SMURF1: variants seen among roughly 807,000 people sequenced by gnomAD.
SMURF1 encodes E3 ubiquitin-protein ligase SMURF1.
A neutral mutation model predicts 98.0 loss-of-function variants in SMURF1; 44 were observed. That is an observed-to-expected ratio of 0.45 (90% CI 0.35 to 0.58). SMURF1 has a LOEUF of 0.58. Ranked by LOEUF, SMURF1 falls within the 20% of genes least tolerant of loss-of-function variation. The pLI, the probability that SMURF1 is intolerant of heterozygous loss-of-function variation, is 0.00. For missense variants in SMURF1, 687 were observed against 938.4 expected (o/e 0.73, Z 3.50); for synonymous variants, 396 against 374.9 (o/e 1.06, Z -0.65).
At chr7:99,037,208 T>A (rs1203153557) in intron 14 of SMURF1, 21 bp from the exon 15 acceptor site, 1 of 1,613,642 alleles carries the variant, frequency 6.2e-7, no homozygotes, top group East Asian at 2.2e-5. Context: ...AACTCGCAAG[T>A]TGGATGCAAC....
In SMURF1 at chr7:99,029,879, G is replaced by A. The variant is rs930104241; in HGVS notation, c.*705C>T. The A allele has an allele frequency of 3.9e-5, 6 of 152,096 alleles. No individual in the cohort carries two copies. The highest frequency in any genetic ancestry group is 1.2e-4 in the African/African-American group (5 of 41,400). The allele number at this position is 152,096 out of a possible 1,614,324, so 9.4% of individuals were successfully genotyped here. On this transcript the variant is annotated 3_prime_UTR_variant, in exon 18 of 18. Transcript: ENST00000361368. ...CAGCAAAAGGGACCCTTAAAAGATC[G>A]TTTTTCTCTATGTAAAACAAAATTT...
intron 17 of SMURF1, chr7:99,032,788 G>T: frequency 1.9e-6 from 1 of 525,534 alleles, no homozygotes; most frequent in Non-Finnish European, 3.4e-6. Flanking sequence ...TTTTTTACAT[G>T]GCCAGTAAAG....
chr7:99,039,133 C>T (rs1231150287), intron 13 of SMURF1, among the ~76,000 whole-genome samples: 2 of 128,288 alleles, frequency 1.6e-5, no homozygotes, highest in Non-Finnish European at 3.1e-5. Flanking sequence ...GTGGAGGTTG[C>T]GTTGAGCCGA....
At chr7:99,086,523 G>T (rs370844376) in intron 1 of SMURF1, among the ~76,000 whole-genome samples, 1 of 152,094 alleles carries the variant, frequency 6.6e-6, no homozygotes, top group African/African-American at 2.4e-5. Context: ...AATGTTGAAC[G>T]TGGAGTTACC....
rs116757663 is a variant in SMURF1, at chr7:99,132,079, G to A, written c.55+11647C>T. Reference sequence around the variant, plus strand: ...GGCCAAATTCCAGAATTAAAATTTCGGGCTTTGGTTCAAGCCCCTGGAATG... The same window carrying A: ...GGCCAAATTCCAGAATTAAAATTTCAGGCTTTGGTTCAAGCCCCTGGAATG... On this transcript the variant is annotated intron_variant, in intron 1 of 17. Coordinates refer to ENST00000361368, the MANE Select transcript of SMURF1 (RefSeq NM_181349.3). Among the ~76,000 whole-genome samples the A allele has an allele frequency of 1.2e-3, 180 of 152,198 alleles. 1 individual carries two copies. Among genetic ancestry groups the A allele is most frequent in the African/African-American group, 4.1e-3 (171 of 41,524 alleles).
chr7:99,093,903 A>T (rs1796871512), intron 1 of SMURF1, among the ~76,000 whole-genome samples: 1 of 152,138 alleles, frequency 6.6e-6, no homozygotes, highest in African/African-American at 2.4e-5. Context: ...CTATGTTGTA[A>T]TATATTAATT....
intron 13 of SMURF1, among the ~76,000 whole-genome samples, chr7:99,039,364 G>T (rs1312874967): frequency 1.3e-5 from 2 of 149,842 alleles, no homozygotes; most frequent in African/African-American, 2.5e-5. Flanking sequence ...CTTTTTTTTT[G>T]AGACAGAGAC....
intron 1 of SMURF1, among the ~76,000 whole-genome samples, chr7:99,142,324 G>T (rs1031251980): frequency 1.3e-5 from 2 of 152,146 alleles, no homozygotes; most frequent in African/African-American, 4.8e-5. Flanking sequence ...GCTCTGGGTT[G>T]CTGAGTGTGG....
intron 1 of SMURF1, among the ~76,000 whole-genome samples, chr7:99,107,476 A>T (rs929796966): frequency 3.3e-5 from 5 of 152,298 alleles, no homozygotes; most frequent in South Asian, 2.1e-4. Flanking sequence ...AACAAAAAAG[A>T]CACTGACATT....
intron 1 of SMURF1, among the ~76,000 whole-genome samples, chr7:99,127,002 G>A (rs949615160): frequency 2.0e-5 from 3 of 152,180 alleles, no homozygotes; most frequent in African/African-American, 7.2e-5. Context: ...TCGGCTTCAC[G>A]TAATCACTCA....
At position 99,035,469 on chromosome 7, in the gene SMURF1, C is replaced by T. The variant is rs138419887; in HGVS notation, c.2011+46G>A. On this transcript the variant is annotated intron_variant, in intron 16 of 17. Transcript: ENST00000361368. ...ACCTTCCAGCTCTTCCTGCCCACAG[C>T]GCACATAGACGCGTCATCGAATAGC... is the stretch of plus-strand genomic sequence containing the variant. 725 of 1,602,626 alleles carry T rather than the reference C, an allele frequency of 4.5e-4. 3 individuals are homozygous for T. In the African/African-American group the frequency reaches 6.3e-3, roughly 14 times the overall value.
chr7:99,051,365 C>T lies in SMURF1; in HGVS notation c.798G>A (p.Arg266=), dbSNP rs748441867. The change falls in exon 8 of 18, where the codon AGG becomes AGA. Residue 266 remains arginine (R), a synonymous_variant. Transcript: ENST00000361368. Reference sequence around the variant, plus strand: ...CATTTCAGGAGGCTTACCTTGGTATCCTGGGGTCGTGCCACGTGCTAACTC... The same window carrying T: ...CATTTCAGGAGGCTTACCTTGGTATTCTGGGGTCGTGCCACGTGCTAACTC... The part of the protein sequence containing the change: ...QTGVSTWHDP[R]IPRDLNSVNC... 3.7e-6 allele frequency: 6 copies of T among 1,613,876 alleles called. No homozygotes were observed. The African/African-American group carries it at 6.7e-5, about 18-fold the overall frequency.
chr7:99,059,870 T>C (rs1177239174), intron 3 of SMURF1, among the ~76,000 whole-genome samples: 1 of 148,598 alleles, frequency 6.7e-6, no homozygotes, highest in Non-Finnish European at 1.5e-5. Context: ...ATCGCGCCAC[T>C]GCACACTCTA....
chr7:99,069,771 C>T (rs930981310), intron 1 of SMURF1, among the ~76,000 whole-genome samples: 19 of 152,222 alleles, frequency 1.2e-4, no homozygotes, highest in Admixed American at 1.2e-3. Flanking sequence ...TAAGCCCATA[C>T]AGGAGAACTG....
At chr7:99,041,929 C>T (rs796647992) in intron 12 of SMURF1, among the ~76,000 whole-genome samples, 189 bp downstream of exon 12, 5 of 152,308 alleles carry the variant, frequency 3.3e-5, no homozygotes, top group Admixed American at 1.3e-4. Context: ...CCAGTGATCA[C>T]GATCTCTGAA....
intron 1 of SMURF1, among the ~76,000 whole-genome samples, chr7:99,069,331 T>G (rs1796269828): frequency 6.6e-6 from 1 of 152,186 alleles, no homozygotes; most frequent in Non-Finnish European, 1.5e-5. Context: ...GTTAGGCCCC[T>G]CTGAGGGAGG....
At chr7:99,127,561 A>G (rs1452219902) in intron 1 of SMURF1, among the ~76,000 whole-genome samples, 2 of 152,128 alleles carry the variant, frequency 1.3e-5, no homozygotes, top group African/African-American at 4.8e-5. Flanking sequence ...AAAAAAGAAC[A>G]GCTCTTTCTC....
chr7:99,044,471 C>T (rs576788147), intron 11 of SMURF1, among the ~76,000 whole-genome samples: 29 of 152,280 alleles, frequency 1.9e-4, no homozygotes, highest in Non-Finnish European at 3.8e-4. Flanking sequence ...GGTAGACAAG[C>T]ATAGGAGACT....
In SMURF1 at chr7:99,052,341, G is replaced by A. The variant is rs201268508; in HGVS notation, c.585C>T (p.Cys195=). 54 of 1,612,478 alleles carry A rather than the reference G, an allele frequency of 3.3e-5. No individual in the cohort carries two copies. Among genetic ancestry groups the A allele is most frequent in the Non-Finnish European group, 4.2e-5 (50 of 1,179,356 alleles). ...STGAAAGGGN[C]RFVESPSQDQ... ...CTTGACTTGGGGACTCCACGAACCT[G>A]CAATTCCCTCCTCCAGCAGCAGCAC... Residue 195 remains cysteine (C), a synonymous_variant, in exon 7 of 18, where the codon TGC becomes TGT. Coordinates refer to ENST00000361368, the MANE Select transcript of SMURF1 (RefSeq NM_181349.3).
Sources: allele counts gnomAD v4.1 joint callset (sites outside exome capture counted in the v4.1 genomes callset), GRCh38; gene constraint gnomAD v4.1.1; transcripts MANE v1.5; gene names NCBI Gene and HGNC (gene_info 2026-07-23, HGNC 2026-07-21).